The following TNFRSF21 variants were observed in gnomAD, a reference collection of about 807,000 sequenced individuals.
TNFRSF21 encodes TNF receptor superfamily member 21.
TNFRSF21 carries 19 observed loss-of-function variants against 45.6 expected under a neutral mutation model. That is an observed-to-expected ratio of 0.42 (90% CI 0.29 to 0.61). The LOEUF (loss-of-function observed/expected upper bound fraction) is 0.61. Ranked by LOEUF, TNFRSF21 falls within the 20% of genes least tolerant of loss-of-function variation. TNFRSF21 has a pLI of 0.23. For synonymous variants in TNFRSF21, 314 were observed against 335.5 expected (o/e 0.94, Z 0.70); for missense variants, 737 against 851.5 (o/e 0.87, Z 1.67).
At chr6:47,309,071 T>C (rs1762979505) in intron 1 of TNFRSF21, among the ~76,000 whole-genome samples, 1 of 152,134 alleles carries the variant, frequency 6.6e-6, no homozygotes, top group South Asian at 2.1e-4. Context: ...TGGGGGGCTG[T>C]GGCTGCGGGC....
intron 2 of TNFRSF21, 54 bp downstream of exon 2, chr6:47,285,890 C>T (rs1472553098): frequency 6.4e-7 from 1 of 1,571,682 alleles, no homozygotes; most frequent in Non-Finnish European, 8.7e-7. Flanking sequence ...ACTCTTGGTA[C>T]CTCCACTGGG....
chr6:47,297,262 T>C (rs921948253), intron 1 of TNFRSF21, among the ~76,000 whole-genome samples: 39 of 152,216 alleles, frequency 2.6e-4, no homozygotes, highest in Admixed American at 1.4e-3. Flanking sequence ...CTTCTGTGTC[T>C]CTGCCTCCTC....
Position 47,286,589 on chromosome 6 carries a change from A to G in TNFRSF21, c.103T>C (p.Phe35Leu), listed in dbSNP as rs1180852965. 6.3e-7 allele frequency: 1 copy of G among 1,596,776 alleles called. No homozygotes were observed. The highest frequency in any genetic ancestry group is 1.1e-5 in the South Asian group (1 of 90,034). ...GGCTGAGCTGTGGTGGTGCTAAGGA[A>G]TCCAAGCTGAAAGAAACAGAAGGGG... ...MIAGSLLLLGFLSTTTAQPEQ... is the reference protein window; with the variant it reads ...MIAGSLLLLGLLSTTTAQPEQ... The change falls in exon 2 of 6, where the codon TTC becomes CTC. Residue 35 changes from phenylalanine (F) to leucine (L), a missense_variant. Transcript: ENST00000296861.
rs1376125984 is a variant in TNFRSF21, at chr6:47,284,247, G to A, written c.934C>T (p.Leu312=). 3 of 1,613,642 alleles carry A rather than the reference G, an allele frequency of 1.9e-6. No homozygotes were observed. Among genetic ancestry groups the A allele is most frequent in the East Asian group, 2.2e-5 (1 of 44,900 alleles). ...CCAGTGGCCTCCATGGACGGCAGCA[G>A]CTTCAGGATGTGTCTGTGGTGGGGG... ...QGPHHRHILK[L]LPSMEATGGE... The change falls in exon 3 of 6, where the codon CTG becomes TTG. Residue 312 remains leucine (L), a synonymous_variant. Transcript: ENST00000296861.
chr6:47,271,882 CAG>C (rs1762425404), intron 3 of TNFRSF21, among the ~76,000 whole-genome samples: 1 of 152,024 alleles, frequency 6.6e-6, no homozygotes, highest in Non-Finnish European at 1.5e-5. Flanking sequence ...TCTGATAAAA[CAG>C]ACTTTAAACC....
At chr6:47,244,530 G>T (rs777671496) in intron 4 of TNFRSF21, among the ~76,000 whole-genome samples, 5 of 152,084 alleles carry the variant, frequency 3.3e-5, no homozygotes, top group Non-Finnish European at 5.9e-5. Flanking sequence ...TTGTTAAGTA[G>T]TTGCATTGTT....
rs1442682730 is a variant in TNFRSF21 at position 47,232,861 on chromosome 6, T to C, written c.1872A>G (p.Lys624=). Residue 624 remains lysine (K), a synonymous_variant, in exon 6 of 6, where the codon AAA becomes AAG. Coordinates refer to ENST00000296861, the MANE Select transcript of TNFRSF21 (RefSeq NM_014452.5). The stretch of plus-strand genomic sequence containing the variant: ...CAATAATTTCGAATAGCCGGTCTAG[T>C]TTGTCCTCAGCCTGGGGAATCTCTT... ...VIEEIPQAED[K]LDRLFEIIGV... is the part of the protein sequence containing the mutation. The C allele has an allele frequency of 6.2e-7, 1 of 1,613,998 alleles. No individual in the cohort carries two copies. Among genetic ancestry groups the C allele is most frequent in the African/African-American group, 1.3e-5 (1 of 74,884 alleles).
chr6:47,290,548 C>T (rs1038285048), intron 1 of TNFRSF21, among the ~76,000 whole-genome samples: 1 of 152,222 alleles, frequency 6.6e-6, no homozygotes, highest in Non-Finnish European at 1.5e-5. Context: ...CACTCTTTCT[C>T]AGACTGTAAG....
intron 3 of TNFRSF21, among the ~76,000 whole-genome samples, chr6:47,272,120 T>C (rs1328154216): frequency 6.6e-6 from 1 of 151,854 alleles, no homozygotes; most frequent in East Asian, 1.9e-4. Flanking sequence ...AACAGAAGGG[T>C]AACAAGGATA....
At chr6:47,297,548 A>G (rs1467768997) in intron 1 of TNFRSF21, among the ~76,000 whole-genome samples, 1 of 142,630 alleles carries the variant, frequency 7.0e-6, no homozygotes, top group East Asian at 2.1e-4. Context: ...TTTGAGACGA[A>G]GTCTCGCTCT....
At chr6:47,306,335 A>G (rs1762938915) in intron 1 of TNFRSF21, among the ~76,000 whole-genome samples, 1 of 152,230 alleles carries the variant, frequency 6.6e-6, no homozygotes, top group African/African-American at 2.4e-5. Context: ...CTCTGTTGTT[A>G]CATTTCATTA....
intron 3 of TNFRSF21, among the ~76,000 whole-genome samples, chr6:47,266,438 G>A (rs1762334312): frequency 6.6e-6 from 1 of 152,140 alleles, no homozygotes; most frequent in Non-Finnish European, 1.5e-5. Context: ...TGCTTGAGTA[G>A]TACATTGTGG....
In TNFRSF21 at chr6:47,234,682, A is replaced by G. The variant is rs759712817; in HGVS notation, c.1726T>C (p.Phe576Leu). ...GCGATGCCCGTACCTTTGGTAATAAAGGAACCGTTCCTGCTCAGCGCGGAG... is the reference window on the plus strand; with the variant it reads ...GCGATGCCCGTACCTTTGGTAATAAGGGAACCGTTCCTGCTCAGCGCGGAG... The part of the protein sequence containing the change: ...GSSALSRNGS[F>L]ITKEKKDTVL... Residue 576 changes from phenylalanine to leucine, a missense_variant, in exon 5 of 6, where the codon TTT (phenylalanine) becomes CTT (leucine). Transcript: ENST00000296861. 5 of 1,609,142 alleles carry G rather than the reference A, an allele frequency of 3.1e-6. No individual in the cohort carries two copies. The South Asian group carries it at 4.4e-5, about 14-fold the overall frequency.
intron 4 of TNFRSF21, among the ~76,000 whole-genome samples, chr6:47,246,989 C>T (rs1280162844): frequency 1.3e-5 from 2 of 152,168 alleles, no homozygotes; most frequent in Non-Finnish European, 2.9e-5. Flanking sequence ...CACGTGTCTC[C>T]ATCACCACAA....
At position 47,233,090 on chromosome 6, in the gene TNFRSF21, A is replaced by G. The variant is rs1374655313; in HGVS notation, c.1739-96T>C. ...CAGGGTCCTAGAGAGAGAGACATCT[A>G]TGTCCCCCCCAGCCTATTATTCTCC... On this transcript the variant is annotated intron_variant, in intron 5 of 5. Coordinates refer to ENST00000296861, the MANE Select transcript of TNFRSF21 (RefSeq NM_014452.5). 5.6e-6 allele frequency: 6 copies of G among 1,065,584 alleles called. 1 individual carries two copies. Among genetic ancestry groups the G allele is most frequent in the South Asian group, 4.3e-5 (3 of 69,374 alleles). 66.0% of individuals were successfully genotyped at this position (1,065,584 alleles called of 1,614,324 possible). A position where few individuals can be genotyped will look rare whatever the true frequency, so the allele number is the denominator to read the frequency against.
intron 3 of TNFRSF21, among the ~76,000 whole-genome samples, chr6:47,267,946 C>G (rs758887595): frequency 1.3e-5 from 2 of 152,204 alleles, no homozygotes; most frequent in Non-Finnish European, 2.9e-5. Context: ...CACTCCTCAT[C>G]ATGGGGTCCT....
intron 3 of TNFRSF21, among the ~76,000 whole-genome samples, chr6:47,263,538 A>C (rs368692467): frequency 6.4e-4 from 97 of 152,318 alleles, no homozygotes; most frequent in African/African-American, 2.3e-3. Context: ...AACAGAGAAG[A>C]AACAGCCCAA....
intron 1 of TNFRSF21, among the ~76,000 whole-genome samples, chr6:47,291,388 T>G (rs143858944): frequency 5.9e-5 from 9 of 152,218 alleles, no homozygotes; most frequent in South Asian, 2.1e-4. Flanking sequence ...GAAAGGGGTA[T>G]GCGGGAGAGT....
At chr6:47,299,932 A>T (rs368364678) in intron 1 of TNFRSF21, among the ~76,000 whole-genome samples, 14 of 152,346 alleles carry the variant, frequency 9.2e-5, no homozygotes, top group African/African-American at 3.4e-4. Context: ...AAAACTGTTC[A>T]TTTATTTCCT....
Sources: allele counts gnomAD v4.1 joint callset (sites outside exome capture counted in the v4.1 genomes callset), GRCh38; gene constraint gnomAD v4.1.1; transcripts MANE v1.5; gene names NCBI Gene and HGNC (gene_info 2026-07-23, HGNC 2026-07-21).